Variants in YKT6 observed in about 807,000 individuals in gnomAD.
YKT6 encodes synaptobrevin homolog YKT6.
A neutral mutation model predicts 29.3 loss-of-function variants in YKT6; 12 were observed. The ratio of observed to expected loss-of-function variants is 0.41; its 90% CI spans 0.26 to 0.66. The LOEUF is 0.66. Among genes scored for constraint, YKT6 ranks in the 30% least tolerant of loss-of-function variants. The pLI, the probability that YKT6 is intolerant of heterozygous loss-of-function variation, is 0.32. For missense variants in YKT6, 188 were observed against 243.8 expected (o/e 0.77, Z 1.52); for synonymous variants, 86 against 94.3 (o/e 0.91, Z 0.51).
At chr7:44,210,669 C>A in intron 5 of YKT6, 1 of 357,064 alleles carries the variant, frequency 2.8e-6, no homozygotes, top group Non-Finnish European at 5.4e-6. Context: ...CATGCACACG[C>A]ACATGTGCGT....
chr7:44,201,684 C>T (rs765373092), intron 1 of YKT6, among the ~76,000 whole-genome samples: 3 of 152,208 alleles, frequency 2.0e-5, no homozygotes, highest in African/African-American at 4.8e-5. Flanking sequence ...ATATTTTAGA[C>T]CAACACTTCC....
chr7:44,211,241 G>T, intron 6 of YKT6, 117 bp downstream of exon 6: 1 of 944,788 alleles, frequency 1.1e-6, no homozygotes. Flanking sequence ...AATCATGGTG[G>T]ATGATTCCTT....
chr7:44,206,844 A>T (rs2096341378), intron 3 of YKT6, among the ~76,000 whole-genome samples: 1 of 152,172 alleles, frequency 6.6e-6, no homozygotes, highest in African/African-American at 2.4e-5. Flanking sequence ...CAGTTGCTGC[A>T]TCCCTCTACC....
At chr7:44,205,775 A>G (rs1389908429) in intron 2 of YKT6, among the ~76,000 whole-genome samples, 2 of 152,258 alleles carry the variant, frequency 1.3e-5, no homozygotes, top group African/African-American at 4.8e-5. Flanking sequence ...CCTTTCAATC[A>G]TATGAGGATT....
intron 1 of YKT6, among the ~76,000 whole-genome samples, chr7:44,203,689 G>A (rs181008364): frequency 8.5e-4 from 129 of 152,248 alleles, no homozygotes; most frequent in African/African-American, 2.9e-3. Context: ...TGCTTTACAC[G>A]TATTACCTCG....
intron 5 of YKT6, chr7:44,210,614 C>A: frequency 2.9e-6 from 1 of 344,328 alleles, no homozygotes; most frequent in Non-Finnish European, 5.7e-6. Context: ...ACTCTCCAAC[C>A]CAGTACAATC....
intron 2 of YKT6, among the ~76,000 whole-genome samples, chr7:44,205,681 T>C (rs1180773724): frequency 2.0e-5 from 3 of 152,252 alleles, no homozygotes; most frequent in Non-Finnish European, 4.4e-5. Context: ...TGGTTAGCTG[T>C]ATCAACTCTG....
At chr7:44,211,864 G>A (rs1022714129) in intron 6 of YKT6, among the ~76,000 whole-genome samples, 11 of 152,260 alleles carry the variant, frequency 7.2e-5, no homozygotes, top group African/African-American at 2.4e-4. Context: ...AAACACCACC[G>A]TGGTGGTCAG....
intron 2 of YKT6, among the ~76,000 whole-genome samples, chr7:44,206,090 C>T (rs957301530): frequency 6.6e-6 from 1 of 152,196 alleles, no homozygotes; most frequent in Non-Finnish European, 1.5e-5. Context: ...TGGAAATGCT[C>T]CTGGGGCCAT....
At position 44,207,494 on chromosome 7, in the gene YKT6, T is replaced by C; in HGVS notation, c.393+2T>C. Reference sequence around the variant, plus strand: ...GATGGTCACCTCAGTAGATACCAGGTAGGGTTAAAGGAAGCTTCAGCAGAC... The same window carrying C: ...GATGGTCACCTCAGTAGATACCAGGCAGGGTTAAAGGAAGCTTCAGCAGAC... On this transcript the variant is annotated splice_donor_variant, in intron 4 of 6. Coordinates refer to ENST00000223369, the MANE Select transcript of YKT6 (RefSeq NM_006555.4). LOFTEE classifies it high-confidence loss of function. 1 of 1,613,584 alleles carries C rather than the reference T, an allele frequency of 6.2e-7. No individual in the cohort carries two copies. The highest frequency in any genetic ancestry group is 8.5e-7 in the Non-Finnish European group (1 of 1,179,634).
In YKT6 at chr7:44,206,375, G is replaced by A. The variant is rs1156742787; in HGVS notation, c.188-10G>A. 6.2e-7 allele frequency: 1 copy of A among 1,613,834 alleles called. No homozygotes were observed. Among genetic ancestry groups the A allele is most frequent in the Admixed American group, 1.7e-5 (1 of 60,018 alleles). On this transcript the variant is annotated splice_polypyrimidine_tract_variant and intron_variant, in intron 2 of 6. Coordinates refer to ENST00000223369, the MANE Select transcript of YKT6 (RefSeq NM_006555.4). ...TCAGCATCCATGTGTCTGATCTCTT[G>A]TCTCCTTAGACTATCTGTGCCACGT...
intron 5 of YKT6, chr7:44,210,699 C>A (rs1394092624): frequency 5.2e-6 from 2 of 383,286 alleles, no homozygotes; most frequent in Non-Finnish European, 5.1e-6. Context: ...CACACACACA[C>A]AAATGTATAT....
chr7:44,208,916 C>T (rs2096343822), intron 5 of YKT6, among the ~76,000 whole-genome samples: 2 of 152,130 alleles, frequency 1.3e-5, no homozygotes, highest in Non-Finnish European at 2.9e-5. Context: ...CTCTCAGATC[C>T]GCCCCAGGAT....
chr7:44,209,939 TGTG>T (rs2096344800), intron 5 of YKT6, among the ~76,000 whole-genome samples: 1 of 152,260 alleles, frequency 6.6e-6, no homozygotes, highest in Non-Finnish European at 1.5e-5. Flanking sequence ...TTGGGGCATG[TGTG>T]TAACTTAGAA....
chr7:44,201,134 C>T lies in YKT6; in HGVS notation c.-2C>T, dbSNP rs151099981. 70 of 1,584,890 alleles carry T rather than the reference C, an allele frequency of 4.4e-5. 1 individual carries two copies. In the African/African-American group the frequency reaches 8.4e-4, roughly 19 times the overall value. On this transcript the variant is annotated 5_prime_UTR_variant, in exon 1 of 7. Transcript: ENST00000223369. ...AGGCGGGCGGCCTGAGGGCGCGGAG[C>T]CATGAAGCTGTACAGCCTCAGCGTC...
intron 1 of YKT6, among the ~76,000 whole-genome samples, chr7:44,202,347 A>G (rs1050904796): frequency 5.3e-5 from 8 of 152,236 alleles, no homozygotes; most frequent in African/African-American, 1.9e-4. Context: ...GTGCATTGAT[A>G]TGAAATAGAT....
At position 44,206,418 on chromosome 7, in the gene YKT6, G is replaced by A. The variant is rs1480300991; in HGVS notation, c.221G>A (p.Ser74Asn). The A allele has an allele frequency of 6.2e-7, 1 of 1,614,022 alleles. No individual in the cohort carries two copies. Among genetic ancestry groups the A allele is most frequent in the African/African-American group, 1.3e-5 (1 of 74,936 alleles). Residue 74 changes from serine to asparagine, a missense_variant, in exon 3 of 7, where the codon AGT becomes AAT. Transcript: ENST00000223369. ...YLCHVYVRND[S>N]LAGVVIADNE... is the part of the protein sequence containing the mutation. The stretch of plus-strand genomic sequence containing the variant: ...TGCCACGTCTACGTCCGGAATGATA[G>A]TCTTGCAGGTGTGGTCATTGCTGAC...
chr7:44,212,139 C>T (rs1264628894), intron 6 of YKT6, 108 bp from the exon 7 acceptor site: 2 of 1,357,500 alleles, frequency 1.5e-6, no homozygotes, highest in Non-Finnish European at 2.1e-6. Flanking sequence ...GTGCTAGTTT[C>T]TCTGCCTGGC....
At chr7:44,204,048 G>A (rs774634437) in intron 1 of YKT6, among the ~76,000 whole-genome samples, 29 of 152,060 alleles carry the variant, frequency 1.9e-4, no homozygotes, top group Non-Finnish European at 4.0e-4. Flanking sequence ...AGTGTCTTGC[G>A]CTCGTTCTGT....
Sources: allele counts gnomAD v4.1 joint callset (sites outside exome capture counted in the v4.1 genomes callset), GRCh38; gene constraint gnomAD v4.1.1; transcripts MANE v1.5; gene names NCBI Gene and HGNC (gene_info 2026-07-23, HGNC 2026-07-21).